The following CSMD1 variants were observed in gnomAD, a reference collection of about 807,000 sequenced individuals.
The protein encoded by CSMD1 is CUB and sushi domain-containing protein 1.
In CSMD1, 213 loss-of-function variants were observed where a neutral mutation model predicts 417.5. The observed-to-expected ratio is 0.51, with a 90% confidence interval of 0.46 to 0.57. The LOEUF is 0.57. Among genes scored for constraint, CSMD1 ranks in the 20% least tolerant of loss-of-function variants. The pLI is 0.00. For synonymous variants in CSMD1, 2,862 were observed against 1,736.8 expected, an observed-to-expected ratio of 1.65 and a Z score of -16.11; for missense variants, 6,923 against 4,529.7, an observed-to-expected ratio of 1.53 and a Z score of -15.17.
intron 3 of CSMD1, among the ~76,000 whole-genome samples, chr8:4,412,982 C>A (rs1796731049): frequency 6.6e-6 from 1 of 152,178 alleles, no homozygotes; most frequent in African/African-American, 2.4e-5. Context: ...CCATCTTTAT[C>A]TTTTCAGTAG....
chr8:4,540,992 A>G (rs535680502), intron 2 of CSMD1, among the ~76,000 whole-genome samples: 4 of 152,334 alleles, frequency 2.6e-5, no homozygotes, highest in African/African-American at 9.6e-5. Flanking sequence ...CTGAAACATG[A>G]AAAGCTCAAA....
chr8:3,965,171 G>C (rs1438567960), intron 5 of CSMD1, among the ~76,000 whole-genome samples: 3 of 152,110 alleles, frequency 2.0e-5, no homozygotes, highest in Non-Finnish European at 4.4e-5. Context: ...TTAACAGTAA[G>C]AGTTCATAAC....
chr8:4,158,823 G>C (rs1327062807), intron 3 of CSMD1, among the ~76,000 whole-genome samples: 4 of 152,178 alleles, frequency 2.6e-5, no homozygotes, highest in African/African-American at 9.7e-5. Flanking sequence ...GGATGATGTA[G>C]AATCCAATAA....
rs1212921276 is a variant in CSMD1, at chr8:4,083,707, C to G, written c.416-51608G>C. ...AAATCAATTCAAGATGGATTAAAGA[C>G]TTAAACGTTAGACCTAAAGCCATAA... On this transcript the variant is annotated intron_variant, in intron 3 of 69. Coordinates refer to ENST00000635120, the MANE Select transcript of CSMD1 (RefSeq NM_033225.6). Among the ~76,000 whole-genome samples, 4 of 152,234 alleles carry G rather than the reference C, an allele frequency of 2.6e-5. No individual in the cohort carries two copies. In the Middle Eastern group the frequency reaches 0.014, roughly 518 times the overall value.
intron 8 of CSMD1, among the ~76,000 whole-genome samples, chr8:3,598,581 T>A (rs1801204695): frequency 6.6e-6 from 1 of 152,192 alleles, no homozygotes; most frequent in Non-Finnish European, 1.5e-5. Context: ...GGAGGACTTT[T>A]CTGTTGTTCC....
chr8:4,616,477 A>G (rs1871124), intron 2 of CSMD1, among the ~76,000 whole-genome samples: 2,976 of 152,280 alleles, frequency 0.02, 133 homozygotes, highest in East Asian at 0.18. Flanking sequence ...CTGGTTATAA[A>G]TTATATCTCC....
intron 26 of CSMD1, among the ~76,000 whole-genome samples, chr8:3,257,289 A>C (rs1420877250): frequency 6.6e-6 from 1 of 152,164 alleles, no homozygotes; most frequent in African/African-American, 2.4e-5. Context: ...GTGCCACTGC[A>C]CTCCAGCCCG....
At chr8:4,450,765 T>C (rs950001770) in intron 2 of CSMD1, among the ~76,000 whole-genome samples, 3 of 152,208 alleles carry the variant, frequency 2.0e-5, no homozygotes, top group Non-Finnish European at 2.9e-5. Flanking sequence ...TCTTCACAAA[T>C]TGAAAGCAAG....
At chr8:4,357,868 T>G (rs959819099) in intron 3 of CSMD1, among the ~76,000 whole-genome samples, 3 of 152,142 alleles carry the variant, frequency 2.0e-5, no homozygotes, top group Non-Finnish European at 4.4e-5. Flanking sequence ...TTATCATATT[T>G]TAATGCTAAA....
intron 11 of CSMD1, among the ~76,000 whole-genome samples, chr8:3,486,194 T>G (rs968313069): frequency 1.3e-5 from 2 of 152,236 alleles, no homozygotes; most frequent in Non-Finnish European, 2.9e-5. Flanking sequence ...GATGTTTTAT[T>G]ATATTAAGAC....
intron 40 of CSMD1, among the ~76,000 whole-genome samples, chr8:3,149,950 G>C (rs1012712576): frequency 1.3e-5 from 2 of 152,148 alleles, no homozygotes; most frequent in African/African-American, 4.8e-5. Context: ...AAGAGCGCTA[G>C]TGCTGTGTAA....
chr8:3,521,830 G>A (rs190336179), intron 10 of CSMD1, among the ~76,000 whole-genome samples: 9 of 152,256 alleles, frequency 5.9e-5, no homozygotes, highest in Admixed American at 4.6e-4. Context: ...TTAGCTTTAA[G>A]AAATGTATAT....
At chr8:3,331,988 G>C (rs951874507) in intron 23 of CSMD1, among the ~76,000 whole-genome samples, 1 of 152,122 alleles carries the variant, frequency 6.6e-6, no homozygotes. Flanking sequence ...ATAGATAATT[G>C]CCTCGTCAAT....
chr8:4,196,425 T>C (rs956453881), intron 3 of CSMD1, among the ~76,000 whole-genome samples: 1 of 152,172 alleles, frequency 6.6e-6, no homozygotes, highest in Non-Finnish European at 1.5e-5. Flanking sequence ...GTTTTCAGGC[T>C]ACAGTCCTTT....
Position 4,032,086 on chromosome 8 carries a change from G to C in CSMD1, c.429C>G (p.His143Gln). The C allele has an allele frequency of 1.2e-6, 2 of 1,611,210 alleles. No homozygotes were observed. Among genetic ancestry groups the C allele is most frequent in the East Asian group, 4.5e-5 (2 of 44,824 alleles). Residue 143 changes from histidine (H) to glutamine (Q), a missense_variant, in exon 4 of 70, where the codon CAC (histidine) becomes CAG (glutamine). Physicochemically the swap from His to Gln is conservative, Grantham distance 24. Transcript: ENST00000635120. Reference protein sequence around the residue: ...FKALYEVLPSHTCGNPGEILK... With the variant: ...FKALYEVLPSQTCGNPGEILK... Reference sequence around the variant, plus strand: ...GGATTTCTCCAGGATTTCCACAAGTGTGGCTAGGTAAAACTATTGGAAAAA... The same window carrying C: ...GGATTTCTCCAGGATTTCCACAAGTCTGGCTAGGTAAAACTATTGGAAAAA...
intron 10 of CSMD1, among the ~76,000 whole-genome samples, chr8:3,502,946 G>C (rs1420428338): frequency 6.6e-6 from 1 of 152,188 alleles, no homozygotes; most frequent in Non-Finnish European, 1.5e-5. Context: ...CATGCTGAAA[G>C]CATCTGGTGA....
intron 5 of CSMD1, among the ~76,000 whole-genome samples, chr8:3,833,339 T>C (rs1340029618): frequency 6.6e-6 from 1 of 152,124 alleles, no homozygotes; most frequent in Non-Finnish European, 1.5e-5. Flanking sequence ...TCTAAGCCTC[T>C]GGGCCATTTT....
Position 3,188,933 on chromosome 8 carries a change from A to C in CSMD1, c.5477T>G (p.Leu1826Trp), listed in dbSNP as rs550234301. The C allele has an allele frequency of 1.9e-5, 31 of 1,610,234 alleles. 1 individual carries two copies. In the Admixed American group the frequency reaches 3.4e-4, roughly 17 times the overall value. ...AACTATGATCTTCCATATACAGTTC[A>C]AGTTGTTTCCGTATGGCTCAGGGTA... ...PGYPEPYGNN[L>W]NCIWKIIVTE... Residue 1826 changes from leucine to tryptophan, a missense_variant, in exon 35 of 70, where the codon TTG (leucine) becomes TGG (tryptophan). Physicochemically the swap from Leu to Trp is moderately conservative, Grantham distance 61 (BLOSUM62 -2). Coordinates refer to ENST00000635120, the MANE Select transcript of CSMD1 (RefSeq NM_033225.6).
At chr8:3,456,493 G>T (rs1159858880) in intron 12 of CSMD1, among the ~76,000 whole-genome samples, 3 of 152,098 alleles carry the variant, frequency 2.0e-5, no homozygotes, top group African/African-American at 4.8e-5. Context: ...AACACTGAAG[G>T]CCTTGTGAAT....
Sources: allele counts gnomAD v4.1 joint callset (sites outside exome capture counted in the v4.1 genomes callset), GRCh38; gene constraint gnomAD v4.1.1; transcripts MANE v1.5; gene names NCBI Gene and HGNC (gene_info 2026-07-23, HGNC 2026-07-21).